The following OR3A2 variants were observed in gnomAD, a reference collection of about 807,000 sequenced individuals.
OR3A2 encodes the protein olfactory receptor 3A2.
For synonymous variants in OR3A2, 126 were observed against 159.3 expected, an observed-to-expected ratio of 0.79 and a Z score of 1.57; for missense variants, 318 against 392.8, an observed-to-expected ratio of 0.81 and a Z score of 1.61.
At position 3,361,884 on chromosome 17, in the gene OR3A2, T is replaced by G. The variant is rs566375793; in HGVS notation, c.-179+21920A>C. Among the ~76,000 whole-genome samples the G allele has an allele frequency of 8.6e-5, 13 of 151,676 alleles. No individual in the cohort carries two copies. The South Asian group carries it at 2.3e-3, about 27-fold the overall frequency. On this transcript the variant is annotated intron_variant, in intron 2 of 4. Coordinates refer to the OR3A2 transcript ENST00000573491. ...ATATTGGTCTAAAATTCTCTTTTTT[T>G]GTTGTGTCTCTGCCCGGCTTTGGTA...
At chr17:3,369,005 A>G (rs1212209681) in intron 2 of OR3A2, among the ~76,000 whole-genome samples, 1 of 152,078 alleles carries the variant, frequency 6.6e-6, no homozygotes, top group African/African-American at 2.4e-5. Flanking sequence ...GCAGTTGTAA[A>G]AGGGGTTGAG....
chr17:3,344,233 G>A (rs1231912554), intron 2 of OR3A2, among the ~76,000 whole-genome samples: 2 of 152,042 alleles, frequency 1.3e-5, no homozygotes, highest in African/African-American at 4.8e-5. Flanking sequence ...TGAGACTTGT[G>A]AGCTAAAAAG....
chr17:3,337,369 C>T (rs912881423), intron 2 of OR3A2, among the ~76,000 whole-genome samples: 3 of 152,134 alleles, frequency 2.0e-5, no homozygotes, highest in South Asian at 2.1e-4. Context: ...TGGTTTGCTG[C>T]ACCCATTAAC....
At chr17:3,352,431 T>A (rs904761882) in intron 2 of OR3A2, among the ~76,000 whole-genome samples, 11 of 152,020 alleles carry the variant, frequency 7.2e-5, no homozygotes, top group African/African-American at 2.7e-4. Context: ...GATTTTTATT[T>A]ATGATGAGAG....
chr17:3,291,913 C>T lies in OR3A2; in HGVS notation c.-84-12760G>A, dbSNP rs142082644. ...CGAATTCGCAGGACTGCAGCTGCCA[C>T]GTGGATATAGGAGATGACAATGAGA... On this transcript the variant is annotated intron_variant, in intron 3 of 4. Transcript: ENST00000573491. The T allele has an allele frequency of 4.1e-3, 6,579 of 1,614,156 alleles. 22 individuals carry two copies. Among genetic ancestry groups the T allele is most frequent in the Non-Finnish European group, 5.1e-3 (6,014 of 1,180,028 alleles).
At chr17:3,316,066 T>C (rs1461516637) in intron 3 of OR3A2, among the ~76,000 whole-genome samples, 1 of 152,120 alleles carries the variant, frequency 6.6e-6, no homozygotes, top group Admixed American at 6.6e-5. Context: ...CCAACCCTCA[T>C]CCTGCACCAC....
chr17:3,371,826 G>GCC (rs2049628031), intron 2 of OR3A2, among the ~76,000 whole-genome samples: 1 of 120,756 alleles, frequency 8.3e-6, no homozygotes, highest in Admixed American at 8.1e-5. Flanking sequence ...GCGGGGGGCT[G>GCC]ACCTCCCCAC....
At chr17:3,324,890 T>C (rs2049157679) in intron 3 of OR3A2, among the ~76,000 whole-genome samples, 1 of 152,106 alleles carries the variant, frequency 6.6e-6, no homozygotes, top group African/African-American at 2.4e-5. Context: ...ATTAAGTATT[T>C]GTCATAGATG....
intron 2 of OR3A2, among the ~76,000 whole-genome samples, chr17:3,347,319 G>C (rs1223533658): frequency 2.6e-5 from 4 of 151,860 alleles, no homozygotes; most frequent in African/African-American, 7.3e-5. Flanking sequence ...ATGTATACAT[G>C]TGCCATTCTG....
At chr17:3,308,034 G>A (rs939885723) in intron 3 of OR3A2, among the ~76,000 whole-genome samples, 4 of 152,178 alleles carry the variant, frequency 2.6e-5, no homozygotes, top group African/African-American at 9.7e-5. Flanking sequence ...TTACAAGAGT[G>A]CCGTTTCACC....
Position 3,311,295 on chromosome 17 carries a change from G to C in OR3A2, c.-85+24738C>G, listed in dbSNP as rs1026927208. On this transcript the variant is annotated intron_variant, in intron 3 of 4. Transcript: ENST00000573491. This position sits in a 1 kb window ranked among gnomAD's most constrained non-coding sequence, Gnocchi z 4.6. Reference sequence around the variant, plus strand: ...TTCCCTATGCTGCCTGCAGTTCACAGCTCTTCTTTCCCCACCTCCTGGCTG... The same window carrying C: ...TTCCCTATGCTGCCTGCAGTTCACACCTCTTCTTTCCCCACCTCCTGGCTG... The C allele has an allele frequency of 3.7e-6, 2 of 534,960 alleles. No homozygotes were observed. The highest frequency in any genetic ancestry group is 3.9e-5 in the African/African-American group (2 of 51,920). 33.1% of individuals were successfully genotyped at this position (534,960 alleles called of 1,614,324 possible).
chr17:3,305,697 A>T (rs2048994361), intron 3 of OR3A2, among the ~76,000 whole-genome samples: 1 of 152,268 alleles, frequency 6.6e-6, no homozygotes. Context: ...TATTACACGA[A>T]GCTCAAATAT....
At chr17:3,283,302 T>G (rs2048788501) in intron 1 of OR3A2, among the ~76,000 whole-genome samples, 1 of 152,234 alleles carries the variant, frequency 6.6e-6, no homozygotes, top group African/African-American at 2.4e-5. Context: ...CTCGGCTCAC[T>G]GCAACCTCTG....
intron 2 of OR3A2, among the ~76,000 whole-genome samples, chr17:3,343,749 T>A (rs2049340175): frequency 6.6e-6 from 1 of 152,278 alleles, no homozygotes; most frequent in East Asian, 1.9e-4. Flanking sequence ...TTGCTTAGTG[T>A]CATATCAACC....
In OR3A2 at chr17:3,316,496, G is replaced by A. The variant is rs548057517; in HGVS notation, c.-85+19537C>T. Among the ~76,000 whole-genome samples the A allele has an allele frequency of 2.6e-5, 4 of 152,242 alleles. No individual in the cohort carries two copies. The South Asian group carries it at 8.3e-4, about 32-fold the overall frequency. ...CCAGCCCAGAGAAAAGCTCTACTAG[G>A]ACTCAGCAGAATTATAACAGTAGTA... On this transcript the variant is annotated intron_variant, in intron 3 of 4. Coordinates refer to the OR3A2 transcript ENST00000573491.
At chr17:3,359,094 T>C (rs2049487943) in intron 2 of OR3A2, among the ~76,000 whole-genome samples, 2 of 151,858 alleles carry the variant, frequency 1.3e-5, no homozygotes, top group South Asian at 2.1e-4. Context: ...GAAATTAGGA[T>C]TGCAACCCCT....
chr17:3,371,829 CT>C (rs1380658972), intron 2 of OR3A2, among the ~76,000 whole-genome samples: 3,971 of 127,172 alleles, frequency 0.031, 147 homozygotes, highest in Middle Eastern at 0.051. Context: ...GGGGGCTGAC[CT>C]CCCCACCACC....
intron 1 of OR3A2, 82 bp from the exon 4 acceptor site, chr17:3,279,235 CA>C (rs967916942): frequency 1.2e-5 from 5 of 433,490 alleles, no homozygotes; most frequent in African/African-American, 9.9e-5. Context: ...GTCCTCGCCA[CA>C]GGGGGGAAAT....
chr17:3,353,469 A>G (rs1009863678), intron 2 of OR3A2, among the ~76,000 whole-genome samples: 2 of 151,844 alleles, frequency 1.3e-5, no homozygotes, highest in African/African-American at 4.8e-5. Context: ...GTTTTTCCTA[A>G]TTCAGTATGA....
Sources: gnomAD v4.1 joint callset for allele counts (sites outside exome capture counted in the v4.1 genomes callset) on GRCh38, gnomAD v4.1.1 for gene constraint, Gnocchi (gnomAD v3.1) non-coding constraint, MANE v1.5 for transcripts, NCBI Gene and HGNC (gene_info 2026-07-23, HGNC 2026-07-21) for gene names.